Variants in BROX observed in about 807,000 individuals in gnomAD.
BROX encodes the protein BRO1 domain-containing protein BROX.
In BROX, 53 loss-of-function variants were observed where a neutral mutation model predicts 61.0. The ratio of observed to expected loss-of-function variants is 0.87; its 90% CI spans 0.70 to 1.09. The LOEUF (loss-of-function observed/expected upper bound fraction) is 1.09, where lower values mean the gene tolerates loss of function less well. Among genes scored for constraint, BROX ranks in the 50% least tolerant of loss-of-function variants. The pLI is 0.00. For missense variants in BROX, 489 were observed against 472.0 expected (o/e 1.04, Z -0.33); for synonymous variants, 152 against 160.2 (o/e 0.95, Z 0.38).
At position 222,730,034 on chromosome 1, in the gene BROX, A is replaced by G. The variant is rs757688388; in HGVS notation, c.846A>G (p.Ala282=). The change falls in exon 11 of 13, where the codon GCA becomes GCG. Residue 282 remains alanine, a synonymous_variant. Transcript: ENST00000340934. The part of the protein sequence containing the change: ...RSLQEAEKLY[A]KAEALCKEYG... The stretch of plus-strand genomic sequence containing the variant: ...AATCTCTTTCACATGCAGTGTATGC[A>G]AAGGCAGAAGCACTGTGTAAAGAAT... 6 of 1,602,686 alleles carry G rather than the reference A, an allele frequency of 3.7e-6. No individual in the cohort carries two copies. The highest frequency in any genetic ancestry group is 5.1e-6 in the Non-Finnish European group (6 of 1,176,388).
At chr1:222,726,878 G>GT (rs1238466973) in intron 7 of BROX, among the ~76,000 whole-genome samples, 1 of 152,068 alleles carries the variant, frequency 6.6e-6, no homozygotes, top group African/African-American at 2.4e-5. Flanking sequence ...GCAAGACCCT[G>GT]TCTCAGAAAA....
intron 3 of BROX, 86 bp downstream of exon 3, chr1:222,719,117 T>C (rs1276583027): frequency 7.5e-7 from 1 of 1,336,906 alleles, no homozygotes; most frequent in African/African-American, 1.5e-5. Context: ...ATTTGATTAG[T>C]TTACTCTTCC....
rs1658126700 is a variant in BROX, at chr1:222,733,920, T to G, written c.*1206T>G. 1 of 152,236 alleles carries G rather than the reference T, an allele frequency of 6.6e-6. No homozygotes were observed. The highest frequency in any genetic ancestry group is 2.1e-4 in the South Asian group (1 of 4,836). The allele number at this position is 152,236 out of a possible 1,614,324, so 9.4% of individuals were successfully genotyped here. On this transcript the variant is annotated 3_prime_UTR_variant, in exon 13 of 13. Transcript: ENST00000340934. ...ATTACACTGGTAACTCTCTACTTCT[T>G]TATTAAAGAAGTTATAGTAAGATGC...
intron 8 of BROX, among the ~76,000 whole-genome samples, 155 bp from the exon 9 acceptor site, chr1:222,728,588 A>G (rs1157103560): frequency 1.3e-5 from 2 of 152,152 alleles, no homozygotes; most frequent in Non-Finnish European, 2.9e-5. Flanking sequence ...TAGATTTGGT[A>G]AAATCAAGTA....
rs1656135502 is a variant in BROX at position 222,712,622 on chromosome 1, G to A, written c.-337G>A. 1 of 1,337,198 alleles carries A rather than the reference G, an allele frequency of 7.5e-7. No individual in the cohort carries two copies. The highest frequency in any genetic ancestry group is 9.8e-7 in the Non-Finnish European group (1 of 1,022,062). 82.8% of individuals were successfully genotyped at this position (1,337,198 alleles called of 1,614,324 possible). On this transcript the variant is annotated 5_prime_UTR_variant, in exon 1 of 13. Transcript: ENST00000340934. Reference sequence around the variant, plus strand: ...TTCTCCCTCGGCTCCGGAGGTAGGGGCAACTCTTCTCTTCCTGTCTGGGAA... The same window carrying A: ...TTCTCCCTCGGCTCCGGAGGTAGGGACAACTCTTCTCTTCCTGTCTGGGAA...
At chr1:222,721,373 CTTTTT>C (rs199661132) in intron 4 of BROX, among the ~76,000 whole-genome samples, 1 of 131,564 alleles carries the variant, frequency 7.6e-6, no homozygotes, top group African/African-American at 2.7e-5. Flanking sequence ...TTTTATAACA[CTTTTT>C]TTTTTTTTTT....
intron 1 of BROX, chr1:222,713,173 C>G (rs1276895667): frequency 3.1e-6 from 3 of 982,926 alleles, no homozygotes; most frequent in African/African-American, 3.5e-5. Flanking sequence ...CCCCGCATCT[C>G]CATTGGTCAT....
rs964922635 is a variant in BROX at position 222,718,912 on chromosome 1, T to G, written c.102-13T>G. The G allele has an allele frequency of 3.1e-6, 5 of 1,605,564 alleles. No individual in the cohort carries two copies. The African/African-American group carries it at 6.7e-5, about 22-fold the overall frequency. ...TACAGCTAACTTTACTGTCTTTTTG[T>G]ATCTCTTATAAGTGACTTGAGGTCA... On this transcript the variant is annotated splice_polypyrimidine_tract_variant and intron_variant, in intron 2 of 12. Transcript: ENST00000340934.
rs768995334 is a variant in BROX at position 222,732,592 on chromosome 1, G to C, written c.1150-36G>C. ...TTTAGTGTTTGTTTTCTCAATCTTAGTTTATGTACTTAAACTGTGGTTTTT... is the reference window on the plus strand; with the variant it reads ...TTTAGTGTTTGTTTTCTCAATCTTACTTTATGTACTTAAACTGTGGTTTTT... On this transcript the variant is annotated intron_variant, in intron 12 of 12. Coordinates refer to ENST00000340934, the MANE Select transcript of BROX (RefSeq NM_144695.4). 3.4e-6 allele frequency: 5 copies of C among 1,451,340 alleles called. No individual in the cohort carries two copies. The South Asian group carries it at 4.8e-5, about 14-fold the overall frequency. 89.9% of individuals were successfully genotyped at this position (1,451,340 alleles called of 1,614,324 possible). A position where few individuals can be genotyped will look rare whatever the true frequency, so the allele number is the denominator to read the frequency against.
rs1658189219 is a variant in BROX, at chr1:222,734,956, G to A, written c.*2242G>A. ...AATATTTTGTTGACTCAGCAAAGGT[G>A]ACACTTTGTGACTAAAGTATCCCAT... On this transcript the variant is annotated 3_prime_UTR_variant, in exon 13 of 13. Coordinates refer to ENST00000340934, the MANE Select transcript of BROX (RefSeq NM_144695.4). The A allele has an allele frequency of 6.6e-6, 1 of 152,188 alleles. No individual in the cohort carries two copies. The highest frequency in any genetic ancestry group is 1.5e-5 in the Non-Finnish European group (1 of 68,028). 9.4% of individuals were successfully genotyped at this position (152,188 alleles called of 1,614,324 possible).
chr1:222,729,327 T>C (rs933810163), intron 9 of BROX, among the ~76,000 whole-genome samples: 3 of 152,172 alleles, frequency 2.0e-5, no homozygotes, highest in African/African-American at 4.8e-5. Context: ...TATACCTCCT[T>C]CTTCCTATGC....
chr1:222,730,187 G>A lies in BROX; in HGVS notation c.989+10G>A. 1 of 1,520,122 alleles carries A rather than the reference G, an allele frequency of 6.6e-7. No individual in the cohort carries two copies. Among genetic ancestry groups the A allele is most frequent in the Non-Finnish European group, 8.9e-7 (1 of 1,118,512 alleles). The allele number at this position is 1,520,122 out of a possible 1,614,324, so 94.2% of individuals were successfully genotyped here. On this transcript the variant is annotated intron_variant, in intron 11 of 12. Coordinates refer to ENST00000340934, the MANE Select transcript of BROX (RefSeq NM_144695.4). The stretch of plus-strand genomic sequence containing the variant: ...GAGAAAATGGATTTATGTGAGTACA[G>A]TTTAATATTACTTTAGTAATAATAT...
chr1:222,714,610 G>A (rs1656424639), intron 1 of BROX, among the ~76,000 whole-genome samples: 1 of 147,064 alleles, frequency 6.8e-6, no homozygotes, highest in Non-Finnish European at 1.5e-5. Context: ...CCTTTTTTGA[G>A]ATAGGATCTT....
Position 222,712,866 on chromosome 1 carries a change from C to G in BROX, c.-93C>G. 7.9e-7 allele frequency: 1 copy of G among 1,271,728 alleles called. No homozygotes were observed. The highest frequency in any genetic ancestry group is 1.0e-6 in the Non-Finnish European group (1 of 977,466). 78.8% of individuals were successfully genotyped at this position (1,271,728 alleles called of 1,614,324 possible). A position where few individuals can be genotyped will look rare whatever the true frequency, so the allele number is the denominator to read the frequency against. On this transcript the variant is annotated 5_prime_UTR_variant, in exon 1 of 13. Coordinates refer to ENST00000340934, the MANE Select transcript of BROX (RefSeq NM_144695.4). The stretch of plus-strand genomic sequence containing the variant: ...TGTAGTCTCGGTTCTCCGACTCCCT[C>G]TTTTTCTCGCTTGTGGACTCCGATA...
intron 7 of BROX, 41 bp downstream of exon 7, chr1:222,725,596 T>C: frequency 1.4e-6 from 2 of 1,462,678 alleles, no homozygotes; most frequent in Non-Finnish European, 1.9e-6. Flanking sequence ...TGAAAGTCTA[T>C]ATTGTCATTG....
At chr1:222,714,579 T>TTG (rs1553298095) in intron 1 of BROX, among the ~76,000 whole-genome samples, 3 of 151,122 alleles carry the variant, frequency 2.0e-5, no homozygotes, top group Admixed American at 6.6e-5. Context: ...GTTTTTGTTT[T>TTG]TTGTTTTTTT....
chr1:222,727,827 G>A (rs1657622538), intron 8 of BROX, among the ~76,000 whole-genome samples: 1 of 152,194 alleles, frequency 6.6e-6, no homozygotes, highest in African/African-American at 2.4e-5. Flanking sequence ...AGCTGGGCAT[G>A]CTAAAGAAGG....
intron 6 of BROX, among the ~76,000 whole-genome samples, chr1:222,724,857 C>T (rs188743017): frequency 1.1e-3 from 171 of 152,108 alleles, no homozygotes; most frequent in African/African-American, 3.9e-3. Flanking sequence ...TGCAGTGATG[C>T]GATCTTGGCT....
chr1:222,719,289 A>T lies in BROX; in HGVS notation c.235A>T (p.Thr79Ser). 1 of 1,602,080 alleles carries T rather than the reference A, an allele frequency of 6.2e-7. No homozygotes were observed. The highest frequency in any genetic ancestry group is 8.6e-7 in the Non-Finnish European group (1 of 1,169,160). Residue 79 changes from threonine to serine, a missense_variant, in exon 4 of 13, where the codon ACC (threonine) becomes TCC (serine). Transcript: ENST00000340934. ...TTTCATAAATTCTTTGGATGAATCT[A>T]CCCAAGAAAGCAAGTTACGATATAT... is the stretch of plus-strand genomic sequence containing the variant. ...QGFINSLDES[T>S]QESKLRYIQN... is the part of the protein sequence containing the mutation.
Sources: allele counts gnomAD v4.1 joint callset (sites outside exome capture counted in the v4.1 genomes callset), GRCh38; gene constraint gnomAD v4.1.1; transcripts MANE v1.5; gene names NCBI Gene and HGNC (gene_info 2026-07-23, HGNC 2026-07-21).